UGGT2: variants seen among roughly 807,000 people sequenced by gnomAD.
UGGT2 encodes UDP-glucose:glycoprotein glucosyltransferase 2.
Under a neutral mutation model 192.1 loss-of-function variants are expected in UGGT2, and 180 were observed. The ratio of observed to expected loss-of-function variants is 0.94; its 90% CI spans 0.83 to 1.06. The LOEUF is 1.06. Ranked by LOEUF, UGGT2 falls within the 50% of genes least tolerant of loss-of-function variation. The pLI, the probability that UGGT2 is intolerant of heterozygous loss-of-function variation, is 0.00. For missense variants in UGGT2, 1,849 were observed against 1,795.7 expected, an observed-to-expected ratio of 1.03 and a Z score of -0.54; for synonymous variants, 580 against 591.0, an observed-to-expected ratio of 0.98 and a Z score of 0.27.
At chr13:95,883,869 C>T (rs575956390) in intron 27 of UGGT2, among the ~76,000 whole-genome samples, 1 of 152,050 alleles carries the variant, frequency 6.6e-6, no homozygotes, top group South Asian at 2.1e-4. Flanking sequence ...GTTTAAAAGA[C>T]TCAGTTTAAT....
intron 17 of UGGT2, among the ~76,000 whole-genome samples, chr13:95,928,619 C>A (rs528200273): frequency 6.6e-6 from 1 of 151,660 alleles, no homozygotes; most frequent in East Asian, 1.9e-4. Context: ...AAAGGCGCTC[C>A]CCACATCCCA....
chr13:95,937,136 G>A (rs1173234471), intron 16 of UGGT2, 48 bp from the exon 17 acceptor site: 2 of 1,530,542 alleles, frequency 1.3e-6, no homozygotes, highest in East Asian at 2.4e-5. Context: ...ATGATTGTTT[G>A]AATAATAAAC....
chr13:95,882,108 C>T (rs1163902805), intron 27 of UGGT2, among the ~76,000 whole-genome samples: 4 of 151,828 alleles, frequency 2.6e-5, no homozygotes, highest in East Asian at 1.9e-4. Context: ...GGAGGTTTCA[C>T]CATGTTGGTC....
At chr13:95,808,623 G>C (rs1884431025) in intron 38 of UGGT2, among the ~76,000 whole-genome samples, 2 of 152,030 alleles carry the variant, frequency 1.3e-5, no homozygotes, top group Non-Finnish European at 2.9e-5. Context: ...AATTCTTTGT[G>C]AAGTTACTCT....
At chr13:95,835,729 GA>G (rs1012712585) in intron 37 of UGGT2, among the ~76,000 whole-genome samples, 7 of 151,922 alleles carry the variant, frequency 4.6e-5, no homozygotes, top group South Asian at 4.1e-4. Flanking sequence ...AATATACTAG[GA>G]AAAAAACTTA....
intron 12 of UGGT2, among the ~76,000 whole-genome samples, chr13:95,953,071 T>A (rs1441656274): frequency 6.6e-6 from 1 of 152,228 alleles, no homozygotes; most frequent in Non-Finnish European, 1.5e-5. Context: ...TTGGGCATAT[T>A]TTCTGTCATT....
chr13:96,046,241 C>T (rs958687534), intron 1 of UGGT2, among the ~76,000 whole-genome samples: 1 of 152,044 alleles, frequency 6.6e-6, no homozygotes, highest in African/African-American at 2.4e-5. Context: ...GGAAAGGACA[C>T]TCTATTCAAA....
chr13:95,888,443 C>T (rs2047707920), intron 25 of UGGT2, among the ~76,000 whole-genome samples: 1 of 152,122 alleles, frequency 6.6e-6, no homozygotes, highest in South Asian at 2.1e-4. Context: ...GGAAGAATTA[C>T]TAATTTTGAT....
intron 12 of UGGT2, among the ~76,000 whole-genome samples, chr13:95,968,661 A>G (rs967934365): frequency 2.6e-5 from 4 of 152,208 alleles, no homozygotes; most frequent in African/African-American, 9.6e-5. Context: ...TAAAGCTCCC[A>G]GAAGCCAAAC....
chr13:95,955,870 T>C (rs1180627192), intron 12 of UGGT2, among the ~76,000 whole-genome samples: 2 of 152,216 alleles, frequency 1.3e-5, no homozygotes, highest in African/African-American at 4.8e-5. Context: ...CTAAGTAATA[T>C]GATGTCACAG....
chr13:95,855,700 C>T (rs1889539270), intron 34 of UGGT2, among the ~76,000 whole-genome samples: 2 of 151,912 alleles, frequency 1.3e-5, no homozygotes, highest in South Asian at 2.1e-4. Context: ...TGCTCTTTTC[C>T]TTAAGAGATA....
intron 17 of UGGT2, among the ~76,000 whole-genome samples, chr13:95,929,118 G>A (rs1323021709): frequency 1.3e-5 from 2 of 152,158 alleles, no homozygotes; most frequent in African/African-American, 2.4e-5. Context: ...CAGGCAGGGA[G>A]GTTGCAGTGA....
chr13:95,811,365 C>T (rs1046602962), intron 38 of UGGT2, among the ~76,000 whole-genome samples: 6 of 152,112 alleles, frequency 3.9e-5, no homozygotes, highest in South Asian at 2.1e-4. Flanking sequence ...CTAATTATGA[C>T]ACTGGACAAT....
At chr13:95,880,912 C>T (rs1007023512) in intron 27 of UGGT2, among the ~76,000 whole-genome samples, 2 of 152,198 alleles carry the variant, frequency 1.3e-5, no homozygotes, top group East Asian at 1.9e-4. Context: ...CAGTGGCTCA[C>T]GCCTGTAATC....
At chr13:95,943,448 G>T (rs1028739877) in intron 15 of UGGT2, among the ~76,000 whole-genome samples, 4 of 151,652 alleles carry the variant, frequency 2.6e-5, no homozygotes, top group African/African-American at 9.7e-5. Context: ...GCTTGCTCTT[G>T]TCATTGTAAA....
chr13:95,902,005 G>T (rs1479693124), intron 21 of UGGT2, among the ~76,000 whole-genome samples: 1 of 152,038 alleles, frequency 6.6e-6, no homozygotes, highest in Non-Finnish European at 1.5e-5. Flanking sequence ...TCCATGTTTA[G>T]CTCCCTTGAA....
At chr13:95,843,511 T>C (rs1888079508) in intron 36 of UGGT2, among the ~76,000 whole-genome samples, 1 of 152,188 alleles carries the variant, frequency 6.6e-6, no homozygotes, top group African/African-American at 2.4e-5. Flanking sequence ...TTTTCTTTTA[T>C]GAATCATGCT....
Position 95,853,574 on chromosome 13 carries a change from T to C in UGGT2, c.4253A>G (p.Gln1418Arg). The change falls in exon 36 of 39, where the codon CAA (glutamine) becomes CGA (arginine). Residue 1418 changes from glutamine to arginine, a missense_variant. Transcript: ENST00000376747. ...TAGGTTTGAAAGACTGTTTGGATCT[T>C]GACTGAGAGCTTGATACTGGCTCCT... ...RLRSQYQALSQDPNSLSNLDQ... is the reference protein window; with the variant it reads ...RLRSQYQALSRDPNSLSNLDQ... 1 of 1,611,976 alleles carries C rather than the reference T, an allele frequency of 6.2e-7. No individual in the cohort carries two copies. The highest frequency in any genetic ancestry group is 8.5e-7 in the Non-Finnish European group (1 of 1,179,314).
At chr13:96,049,267 G>A (rs2053414404) in intron 1 of UGGT2, among the ~76,000 whole-genome samples, 1 of 152,186 alleles carries the variant, frequency 6.6e-6, no homozygotes, top group Admixed American at 6.5e-5. Flanking sequence ...AAAGGCCTTT[G>A]ACAAAATTCA....
Sources: allele counts gnomAD v4.1 joint callset (sites outside exome capture counted in the v4.1 genomes callset), GRCh38; gene constraint gnomAD v4.1.1; transcripts MANE v1.5; gene names NCBI Gene and HGNC (gene_info 2026-07-23, HGNC 2026-07-21).